CNTN5: variants seen among roughly 807,000 people sequenced by gnomAD.
CNTN5 encodes the protein contactin-5.
In CNTN5, 77 loss-of-function variants were observed where a neutral mutation model predicts 129.1. The ratio of observed to expected loss-of-function variants is 0.60; its 90% CI spans 0.50 to 0.72. The LOEUF (loss-of-function observed/expected upper bound fraction) is 0.72, where lower values mean the gene tolerates loss of function less well. CNTN5 is among the 30% of genes least tolerant of loss of function. The pLI is 0.00. For missense variants in CNTN5, 1,478 were observed against 1,328.8 expected (o/e 1.11, Z -1.75); for synonymous variants, 509 against 465.6 (o/e 1.09, Z -1.20).
intron 1 of CNTN5, among the ~76,000 whole-genome samples, chr11:99,032,168 G>T (rs1319910672): frequency 6.6e-6 from 1 of 151,816 alleles, no homozygotes; most frequent in Non-Finnish European, 1.5e-5. Flanking sequence ...GTCTATCATT[G>T]TTGGACATTT....
intron 1 of CNTN5, among the ~76,000 whole-genome samples, chr11:99,288,693 C>G (rs1864044951): frequency 6.6e-6 from 1 of 151,898 alleles, no homozygotes; most frequent in Non-Finnish European, 1.5e-5. Context: ...CTATGCCTGT[C>G]AAGTCTCACA....
intron 3 of CNTN5, among the ~76,000 whole-genome samples, chr11:99,620,476 TTAGCAGGATC>T (rs1181231804): frequency 2.0e-5 from 3 of 151,426 alleles, no homozygotes; most frequent in Non-Finnish European, 4.4e-5. Context: ...AGTTAATGAT[TTAGCAGGATC>T]TTAAAACTCT....
chr11:99,498,168 T>C (rs1268854771), intron 2 of CNTN5, among the ~76,000 whole-genome samples: 3 of 152,222 alleles, frequency 2.0e-5, no homozygotes, highest in Non-Finnish European at 4.4e-5. Flanking sequence ...TCATTTTTGT[T>C]GCTTTTCTCT....
At chr11:99,503,319 T>G (rs1046286832) in intron 2 of CNTN5, among the ~76,000 whole-genome samples, 1 of 152,216 alleles carries the variant, frequency 6.6e-6, no homozygotes. Context: ...GTGATCCATC[T>G]TTATTTATTG....
intron 8 of CNTN5, among the ~76,000 whole-genome samples, chr11:99,987,483 G>A (rs1227323972): frequency 6.7e-6 from 1 of 149,348 alleles, no homozygotes; most frequent in East Asian, 1.9e-4. Flanking sequence ...CTCCATATGT[G>A]TATATATTTA....
At chr11:100,354,021 C>A (rs560272263) in intron 24 of CNTN5, among the ~76,000 whole-genome samples, 1 of 151,416 alleles carries the variant, frequency 6.6e-6, no homozygotes. Context: ...TAAGGCCAAT[C>A]ATTGTTTTAA....
At chr11:100,061,099 T>A (rs1357847611) in intron 9 of CNTN5, 113 bp from the exon 10 acceptor site, 2 of 781,476 alleles carry the variant, frequency 2.6e-6, no homozygotes, top group East Asian at 5.3e-5. Context: ...GGTCCTTAAT[T>A]GTGATTACAT....
intron 3 of CNTN5, among the ~76,000 whole-genome samples, chr11:99,707,064 C>T (rs1163835189): frequency 6.6e-6 from 1 of 151,346 alleles, no homozygotes; most frequent in Non-Finnish European, 1.5e-5. Context: ...AGATTAGTTT[C>T]TAAGTGGTAA....
intron 16 of CNTN5, among the ~76,000 whole-genome samples, chr11:100,244,316 G>A (rs1203244324): frequency 6.6e-6 from 1 of 152,102 alleles, no homozygotes; most frequent in African/African-American, 2.4e-5. Context: ...CTAGCCCAGA[G>A]CAACTGTTTT....
intron 1 of CNTN5, among the ~76,000 whole-genome samples, chr11:99,131,106 C>T (rs1199242480): frequency 3.3e-4 from 1 of 3,036 alleles, no homozygotes; most frequent in East Asian, 0.12. Context: ...ACTAAAAATA[C>T]AAAAAATTAC....
At chr11:100,036,572 T>C (rs901597273) in intron 9 of CNTN5, among the ~76,000 whole-genome samples, 3 of 145,022 alleles carry the variant, frequency 2.1e-5, no homozygotes, top group East Asian at 4.1e-4. Context: ...ATGGCCATTT[T>C]CATGATATTG....
chr11:99,914,183 G>T (rs535515692), intron 6 of CNTN5, among the ~76,000 whole-genome samples: 16 of 152,054 alleles, frequency 1.1e-4, no homozygotes, highest in Non-Finnish European at 2.2e-4. Flanking sequence ...ACTGCAGTGA[G>T]TTATGATCAC....
chr11:100,303,959 G>A lies in CNTN5; in HGVS notation c.2621-4400G>A, dbSNP rs377746589. Among the ~76,000 whole-genome samples the A allele has an allele frequency of 4.0e-4, 60 of 151,622 alleles. 2 individuals carry two copies. The South Asian group carries it at 8.5e-3, about 21-fold the overall frequency. On this transcript the variant is annotated intron_variant, in intron 20 of 24. Coordinates refer to ENST00000524871, the MANE Select transcript of CNTN5 (RefSeq NM_014361.4). ...AATGAAACCATACCCTTTCTCTCAA[G>A]GAGTTTATTAAAGTCTCTTTTGATT...
intron 2 of CNTN5, among the ~76,000 whole-genome samples, chr11:99,339,951 T>C (rs1866433328): frequency 6.6e-6 from 1 of 152,150 alleles, no homozygotes; most frequent in Non-Finnish European, 1.5e-5. Flanking sequence ...TGTGTGGACT[T>C]TGGTTTTCAC....
chr11:99,921,648 C>T (rs1949942164), intron 7 of CNTN5, among the ~76,000 whole-genome samples: 1 of 152,140 alleles, frequency 6.6e-6, no homozygotes, highest in South Asian at 2.1e-4. Flanking sequence ...TAGTTTGTCT[C>T]CTTCGGTTAC....
chr11:99,243,124 C>T (rs1021909473), intron 1 of CNTN5, among the ~76,000 whole-genome samples: 3 of 152,122 alleles, frequency 2.0e-5, no homozygotes, highest in African/African-American at 7.2e-5. Context: ...TCCTTATTTG[C>T]AGGCTCACAA....
chr11:99,214,445 T>C (rs2092861626), intron 1 of CNTN5, among the ~76,000 whole-genome samples: 1 of 146,932 alleles, frequency 6.8e-6, no homozygotes, highest in Non-Finnish European at 1.5e-5. Context: ...TATAATGGAG[T>C]TTTTACCTAG....
At chr11:99,343,297 A>G (rs971598100) in intron 2 of CNTN5, among the ~76,000 whole-genome samples, 1 of 152,210 alleles carries the variant, frequency 6.6e-6, no homozygotes, top group Non-Finnish European at 1.5e-5. Context: ...ATGGATTAGA[A>G]TAGGTATGTG....
At chr11:100,334,642 G>A (rs757394936) in intron 21 of CNTN5, among the ~76,000 whole-genome samples, 3 of 152,134 alleles carry the variant, frequency 2.0e-5, no homozygotes, top group Non-Finnish European at 4.4e-5. Flanking sequence ...AACCTGGGTG[G>A]AAATGGAGAC....
Sources: allele counts gnomAD v4.1 joint callset (sites outside exome capture counted in the v4.1 genomes callset), GRCh38; gene constraint gnomAD v4.1.1; transcripts MANE v1.5; gene names NCBI Gene and HGNC (gene_info 2026-07-23, HGNC 2026-07-21).